Variants in EIF2B1 observed in about 807,000 individuals in gnomAD.
The protein encoded by EIF2B1 is eukaryotic translation initiation factor 2B subunit alpha, also known as translation initiation factor eIF2B subunit alpha.
In EIF2B1, 30 loss-of-function variants were observed where a neutral mutation model predicts 36.8. The observed-to-expected ratio is 0.81, with a 90% CI of 0.61 to 1.10. EIF2B1 has a LOEUF of 1.10. Ranked by LOEUF, EIF2B1 falls within the 50% of genes least tolerant of loss-of-function variation. The probability of loss-of-function intolerance (pLI) is 0.00; values close to 1 mark genes in which losing one functional copy is unlikely to be tolerated. For missense variants in EIF2B1, 271 were observed against 374.8 expected (o/e 0.72, Z 2.29); for synonymous variants, 139 against 142.2 (o/e 0.98, Z 0.16).
At chr12:123,623,196 A>G (rs962465873) in intron 7 of EIF2B1, among the ~76,000 whole-genome samples, 1 of 152,010 alleles carries the variant, frequency 6.6e-6, no homozygotes, top group Admixed American at 6.6e-5. Context: ...GCTGGCCAAT[A>G]TAGGGAAACC....
At chr12:123,622,795 A>G (rs2135759815) in intron 7 of EIF2B1, 34 bp from the exon 8 acceptor site, 1 of 1,612,350 alleles carries the variant, frequency 6.2e-7, no homozygotes, top group Non-Finnish European at 8.5e-7. Context: ...GATGAGCTCT[A>G]GAGTGCATCT....
intron 6 of EIF2B1, 176 bp downstream of exon 6, chr12:123,626,249 T>G: frequency 1.5e-6 from 1 of 682,546 alleles, no homozygotes; most frequent in Non-Finnish European, 2.6e-6. Flanking sequence ...CTGTCTTCTT[T>G]GTATGCTATC....
At position 123,631,174 on chromosome 12, in the gene EIF2B1, C is replaced by T. The variant is rs1264647512; in HGVS notation, c.116-641G>A. Among the ~76,000 whole-genome samples, 9 of 152,272 alleles carry T rather than the reference C, an allele frequency of 5.9e-5. 1 individual carries two copies. The highest frequency in any genetic ancestry group is 2.1e-4 in the South Asian group (1 of 4,830). ...AAAGCTGAACTGCTACTGAAATTTA[C>T]GCATCATGGTTAACACAATATAACA... On this transcript the variant is annotated intron_variant, in intron 2 of 8. Transcript: ENST00000424014.
chr12:123,625,562 T>C (rs530831614), intron 6 of EIF2B1, among the ~76,000 whole-genome samples: 43 of 152,354 alleles, frequency 2.8e-4, no homozygotes, highest in Admixed American at 3.3e-4. Context: ...GAGCAATTAG[T>C]AGAATTCCTC....
intron 2 of EIF2B1, among the ~76,000 whole-genome samples, chr12:123,631,823 A>AAAAGGTAGAGATAAGGTCTCACTG (rs1955190898): frequency 7.5e-6 from 1 of 132,816 alleles, no homozygotes; most frequent in African/African-American, 3.0e-5. Flanking sequence ...AAAAAAAAAA[A>AAAAGGTAGAGATAAGGTCTCACTG]TTTTGCCAGG....
rs780147875 is a variant in EIF2B1, at chr12:123,627,072, C to T, written c.454G>A (p.Val152Ile). 15 of 1,614,080 alleles carry T rather than the reference C, an allele frequency of 9.3e-6. No homozygotes were observed. Among genetic ancestry groups the T allele is most frequent in the Admixed American group, 3.3e-5 (2 of 59,998 alleles). The change falls in exon 5 of 9, where the codon GTC (valine) becomes ATC (isoleucine). Residue 152 changes from valine to isoleucine, a missense_variant. Coordinates refer to ENST00000424014, the MANE Select transcript of EIF2B1 (RefSeq NM_001414.4). ...GACAAATCAGGCTGTGACTCTGTGA[C>T]GTATACACTAAATCGCTTCTTGGCC... The part of the protein sequence containing the change: ...VAAKKRFSVY[V>I]TESQPDLSGK...
chr12:123,626,214 C>T, intron 6 of EIF2B1: 1 of 596,660 alleles, frequency 1.7e-6, no homozygotes, highest in Non-Finnish European at 3.0e-6. Context: ...GACACAACTC[C>T]CACTCTCCCC....
Sources: gnomAD v4.1 joint callset for allele counts (sites outside exome capture counted in the v4.1 genomes callset) on GRCh38, gnomAD v4.1.1 for gene constraint, MANE v1.5 for transcripts, NCBI Gene and HGNC (gene_info 2026-07-23, HGNC 2026-07-21) for gene names.